Variants in RAP1GAP2 observed in about 807,000 individuals in gnomAD.
The protein encoded by RAP1GAP2 is rap1 GTPase-activating protein 2.
RAP1GAP2 carries 27 observed loss-of-function variants against 95.0 expected under a neutral mutation model. The ratio of observed to expected loss-of-function variants is 0.28; its 90% CI spans 0.21 to 0.39. The LOEUF (loss-of-function observed/expected upper bound fraction) is 0.39. RAP1GAP2 is among the 10% of genes least tolerant of loss of function. RAP1GAP2 has a pLI of 1.00. For missense variants in RAP1GAP2, 771 were observed against 970.0 expected, an observed-to-expected ratio of 0.79 and a Z score of 2.72; for synonymous variants, 373 against 380.9, an observed-to-expected ratio of 0.98 and a Z score of 0.24.
intron 3 of RAP1GAP2, among the ~76,000 whole-genome samples, chr17:2,942,353 G>A (rs189576344): frequency 1.3e-5 from 2 of 152,218 alleles, no homozygotes; most frequent in East Asian, 3.9e-4. Context: ...ACATTCAGTG[G>A]CTTCCATAGC....
At chr17:2,781,847 T>G (rs1597296048) in intron 1 of RAP1GAP2, among the ~76,000 whole-genome samples, 2 of 150,530 alleles carry the variant, frequency 1.3e-5, no homozygotes, top group African/African-American at 4.9e-5. Context: ...TGGGCACGTC[T>G]CTGTGTGGGC....
chr17:2,859,534 C>G (rs375960091), intron 2 of RAP1GAP2, among the ~76,000 whole-genome samples: 1 of 152,096 alleles, frequency 6.6e-6, no homozygotes, highest in Admixed American at 6.6e-5. Flanking sequence ...CTCCTGGGCT[C>G]GAGTGATTCT....
intron 2 of RAP1GAP2, among the ~76,000 whole-genome samples, chr17:2,873,021 T>C (rs2072912048): frequency 6.6e-6 from 1 of 151,374 alleles, no homozygotes; most frequent in South Asian, 2.1e-4. Flanking sequence ...GAGAATCGCT[T>C]GAACCCGAGG....
At chr17:2,950,016 G>C (rs1280113830) in intron 3 of RAP1GAP2, among the ~76,000 whole-genome samples, 1 of 151,068 alleles carries the variant, frequency 6.6e-6, no homozygotes, top group Non-Finnish European at 1.5e-5. Flanking sequence ...AGGCCATGGG[G>C]CATCTTCATT....
In RAP1GAP2 at chr17:2,838,917, C is replaced by T. The variant is rs149990288; in HGVS notation, c.80+38367C>T. On this transcript the variant is annotated intron_variant, in intron 2 of 24. Transcript: ENST00000254695. ...TGGGTCTCAAGCCTCAGGCCTTGGG[C>T]AGGCGACAGTGTTTAGCAGACTGTA... 1.8e-3 allele frequency among the ~76,000 whole-genome samples: 277 copies of T among 152,260 alleles called. 1 individual carries two copies. Among genetic ancestry groups the T allele is most frequent in the Non-Finnish European group, 3.5e-3 (240 of 68,014 alleles).
At position 2,958,684 on chromosome 17, in the gene RAP1GAP2, GT is replaced by G. The variant is rs2044207471; in HGVS notation, c.201+891del. On this transcript the variant is annotated intron_variant, in intron 4 of 24. Transcript: ENST00000254695. ...TCATAAGTAGCTTCAGAGCCAGAGAGTCCAGCCATTATGTCATGATGCTTTT... is the reference window on the plus strand; with the variant it reads ...TCATAAGTAGCTTCAGAGCCAGAGAGCCAGCCATTATGTCATGATGCTTTT... Among the ~76,000 whole-genome samples, 2 of 152,078 alleles carry G rather than the reference GT, an allele frequency of 1.3e-5. 1 individual carries two copies. The highest frequency in any genetic ancestry group is 4.2e-4 in the South Asian group (2 of 4,814).
chr17:2,761,683 A>C (rs914077613), intron 1 of RAP1GAP2, among the ~76,000 whole-genome samples: 4 of 152,186 alleles, frequency 2.6e-5, no homozygotes, highest in African/African-American at 9.6e-5. Context: ...GGATACCAGA[A>C]TTCAAGGATG....
rs1489537126 is a variant in RAP1GAP2 at position 2,995,369 on chromosome 17, A to C, written c.947A>C (p.Gln316Pro). 6.2e-7 allele frequency: 1 copy of C among 1,613,846 alleles called. No homozygotes were observed. The highest frequency in any genetic ancestry group is 8.5e-7 in the Non-Finnish European group (1 of 1,179,736). Residue 316 changes from glutamine to proline, a missense_variant, in exon 13 of 25, where the codon CAG becomes CCG. Gln to Pro is a moderately conservative substitution (Grantham distance 76). Coordinates refer to ENST00000254695, the MANE Select transcript of RAP1GAP2 (RefSeq NM_015085.5). ...FRGGLDVTHG[Q>P]TGVESVYTTF... ...GGAGGCCTGGACGTGACCCACGGAC[A>C]GACAGGGGTGGAATCAGTGTACACA...
At chr17:2,993,054 C>CAAAAAAAAAAA (rs1157432511) in intron 12 of RAP1GAP2, among the ~76,000 whole-genome samples, 2 of 103,036 alleles carry the variant, frequency 1.9e-5, no homozygotes, top group Admixed American at 1.1e-4. Flanking sequence ...ACTAAAAATA[C>CAAAAAAAAAAA]AAAAAAAAAA....
rs372715235 is a variant in RAP1GAP2, at chr17:2,764,958, C to T, written c.51-5371C>T. ...CAGGGCTGAATTCTGAGGAACCCAA[C>T]GATGGGGAAAGTCAGGGACACTCAT... On this transcript the variant is annotated intron_variant, in intron 1 of 25. Transcript: ENST00000637138. Among the ~76,000 whole-genome samples, 6 of 151,996 alleles carry T rather than the reference C, an allele frequency of 3.9e-5. No individual in the cohort carries two copies. In the South Asian group the frequency reaches 1.0e-3, roughly 26 times the overall value.
At chr17:2,984,950 T>C (rs768262055) in intron 10 of RAP1GAP2, 33 bp from the exon 11 acceptor site, 3 of 1,603,926 alleles carry the variant, frequency 1.9e-6, no homozygotes, top group South Asian at 1.1e-5. Context: ...ATTTAACAAA[T>C]GTTGATTTTT....
At position 2,889,674 on chromosome 17, in the gene RAP1GAP2, C is replaced by T. The variant is rs549502178; in HGVS notation, c.81-15610C>T. Among the ~76,000 whole-genome samples, 30 of 134,594 alleles carry T rather than the reference C, an allele frequency of 2.2e-4. No homozygotes were observed. In the South Asian group the frequency reaches 6.6e-3, roughly 30 times the overall value. The allele number at this position is 134,594 out of a possible 152,430, so 88.3% of individuals were successfully genotyped here. On this transcript the variant is annotated intron_variant, in intron 2 of 24. Transcript: ENST00000254695. ...GGAGGCAGGAGGTTTGATCGATCTG[C>T]GCTGGATTTTTTTTTTTTTTTTTTT...
intron 5 of RAP1GAP2, chr17:2,962,953 G>T (rs114376379): frequency 0.017 from 9,688 of 558,204 alleles, 445 homozygotes; most frequent in African/African-American, 0.13. Flanking sequence ...GGCCTCGGTG[G>T]GACCTCAGGC....
intron 2 of RAP1GAP2, among the ~76,000 whole-genome samples, chr17:2,888,628 G>A (rs1300983913): frequency 6.6e-6 from 1 of 150,388 alleles, no homozygotes; most frequent in Admixed American, 6.7e-5. Flanking sequence ...ATAGTATCGT[G>A]CATATATACC....
At chr17:2,773,410 C>A (rs1342206528), upstream of RAP1GAP2, among the ~76,000 whole-genome samples, 1 of 152,164 alleles carries the variant, frequency 6.6e-6, no homozygotes, top group Non-Finnish European at 1.5e-5. Flanking sequence ...AGCAATTGTT[C>A]TTTCTTCTTG....
intron 2 of RAP1GAP2, among the ~76,000 whole-genome samples, chr17:2,844,515 G>T (rs76988127): frequency 6.6e-6 from 1 of 152,224 alleles, no homozygotes; most frequent in Admixed American, 6.5e-5. Context: ...AGCAGGCCTG[G>T]TGGAAAGCTT....
intron 2 of RAP1GAP2, among the ~76,000 whole-genome samples, chr17:2,832,415 A>G (rs532089198): frequency 1.0e-4 from 15 of 145,452 alleles, no homozygotes; most frequent in East Asian, 2.2e-4. Flanking sequence ...AAAATTACCC[A>G]GGTGTTGTGG....
chr17:2,957,741 C>A lies in RAP1GAP2; in HGVS notation c.166-18C>A, dbSNP rs774963167. The A allele has an allele frequency of 1.9e-6, 3 of 1,604,780 alleles. No homozygotes were observed. The highest frequency in any genetic ancestry group is 2.6e-6 in the Non-Finnish European group (3 of 1,175,294). On this transcript the variant is annotated intron_variant, in intron 3 of 24. Transcript: ENST00000254695. ...CGGCTGATCCCTGTCTTTCTGTCCCCCTGCTTTTGTCTTTCAGTCGTCGGA... is the reference window on the plus strand; with the variant it reads ...CGGCTGATCCCTGTCTTTCTGTCCCACTGCTTTTGTCTTTCAGTCGTCGGA...
intron 19 of RAP1GAP2, among the ~76,000 whole-genome samples, chr17:3,025,249 C>T (rs890094634): frequency 4.6e-5 from 7 of 152,252 alleles, no homozygotes; most frequent in East Asian, 3.9e-4. Flanking sequence ...TGGTGGTATA[C>T]GCCTGTAATC....
Sources: allele counts gnomAD v4.1 joint callset (sites outside exome capture counted in the v4.1 genomes callset), GRCh38; gene constraint gnomAD v4.1.1; transcripts MANE v1.5; gene names NCBI Gene and HGNC (gene_info 2026-07-23, HGNC 2026-07-21).